PSMD7: variants seen among roughly 807,000 people sequenced by gnomAD.
The protein encoded by PSMD7 is proteasome 26S subunit, non-ATPase 7.
In PSMD7, 13 loss-of-function variants were observed where a neutral mutation model predicts 36.4. The ratio of observed to expected loss-of-function variants is 0.36; its 90% CI spans 0.23 to 0.57. The LOEUF is 0.57. Ranked by LOEUF, PSMD7 falls within the 20% of genes least tolerant of loss-of-function variation. The pLI is 0.83. For missense variants in PSMD7, 298 were observed against 393.6 expected, an observed-to-expected ratio of 0.76 and a Z score of 2.06; for synonymous variants, 186 against 151.0, an observed-to-expected ratio of 1.23 and a Z score of -1.70.
Position 74,305,077 on chromosome 16 carries a change from T to A in PSMD7, c.531-212T>A, listed in dbSNP as rs1464755587. The A allele has an allele frequency of 2.0e-5, 13 of 641,108 alleles. No homozygotes were observed. In the Admixed American group the frequency reaches 4.0e-4, roughly 20 times the overall value. 39.7% of individuals were successfully genotyped at this position (641,108 alleles called of 1,614,324 possible). The stretch of plus-strand genomic sequence containing the variant: ...TTTTATAATTGTTTTTTGAAAAATG[T>A]CCTGTGATGAGAAAGATAAAATGTG... On this transcript the variant is annotated intron_variant, in intron 6 of 6. Coordinates refer to ENST00000219313, the MANE Select transcript of PSMD7 (RefSeq NM_002811.5).
At chr16:74,297,066 C>G (rs1448789315) in intron 1 of PSMD7, 78 bp downstream of exon 1, 3 of 1,484,050 alleles carry the variant, frequency 2.0e-6, no homozygotes, top group Non-Finnish European at 2.8e-6. Context: ...GCGCGGCGGC[C>G]GCGGACGAGC....
At chr16:74,301,408 C>T (rs1259525344) in intron 3 of PSMD7, 147 bp from the exon 4 acceptor site, 7 of 644,562 alleles carry the variant, frequency 1.1e-5, no homozygotes, top group African/African-American at 9.1e-5. Flanking sequence ...GTCAGTCTTC[C>T]ATTAGAGTTT....
chr16:74,305,094 T>C (rs1203854299), intron 6 of PSMD7, 195 bp from the exon 7 acceptor site: 5 of 718,478 alleles, frequency 7.0e-6, no homozygotes, highest in African/African-American at 1.8e-5. Flanking sequence ...ATGAGAAAGA[T>C]AAAATGTGTT....
At chr16:74,300,480 TC>T in intron 2 of PSMD7, 1 of 453,652 alleles carries the variant, frequency 2.2e-6, no homozygotes, top group East Asian at 3.9e-5. Flanking sequence ...GTGGCAGTAT[TC>T]CAGCAAACCT....
chr16:74,300,275 C>T (rs899475436), intron 2 of PSMD7, 69 bp downstream of exon 2: 1 of 1,390,362 alleles, frequency 7.2e-7, no homozygotes, highest in African/African-American at 1.4e-5. Context: ...AAATATAAAC[C>T]TTTGTTACCG....
In PSMD7 at chr16:74,296,954, C is replaced by T. The variant is rs2034117846; in HGVS notation, c.40C>T (p.Leu14=). Residue 14 remains leucine (L), a synonymous_variant, in exon 1 of 7, where the codon CTG becomes TTG. Coordinates refer to ENST00000219313, the MANE Select transcript of PSMD7 (RefSeq NM_002811.5). Reference sequence around the variant, plus strand: ...AGTGCAGAAGGTGGTGGTCCACCCCCTGGTGCTGCTCAGTGTGGTGGATCA... The same window carrying T: ...AGTGCAGAAGGTGGTGGTCCACCCCTTGGTGCTGCTCAGTGTGGTGGATCA... ...LAVQKVVVHP[L]VLLSVVDHFN... is the part of the protein sequence containing the mutation. 3.7e-6 allele frequency: 6 copies of T among 1,613,376 alleles called. No homozygotes were observed. Among genetic ancestry groups the T allele is most frequent in the Non-Finnish European group, 5.1e-6 (6 of 1,179,838 alleles).
At chr16:74,302,893 T>C (rs937215816) in intron 5 of PSMD7, among the ~76,000 whole-genome samples, 1 of 152,254 alleles carries the variant, frequency 6.6e-6, no homozygotes, top group East Asian at 1.9e-4. Flanking sequence ...TCTGTGCAAA[T>C]GTTCCTTGCA....
Position 74,303,616 on chromosome 16 carries a change from G to T in PSMD7, c.439-687G>T, listed in dbSNP as rs532936410. Among the ~76,000 whole-genome samples, 16 of 152,292 alleles carry T rather than the reference G, an allele frequency of 1.1e-4. No individual in the cohort carries two copies. The East Asian group carries it at 2.3e-3, about 22-fold the overall frequency. On this transcript the variant is annotated intron_variant, in intron 5 of 6. Coordinates refer to ENST00000219313, the MANE Select transcript of PSMD7 (RefSeq NM_002811.5). ...TTCTGATTGCATTGGTTTGGGCACT[G>T]TGGAATCGTTTGATCCAAGAGACAA...
chr16:74,300,063 T>TA lies in PSMD7; in HGVS notation c.75-52_75-51insA. On this transcript the variant is annotated intron_variant, in intron 1 of 6. Coordinates refer to ENST00000219313, the MANE Select transcript of PSMD7 (RefSeq NM_002811.5). ...TCCCATTGAGTATCTTATTGTTGGG[T>TA]TCATGTTTCTGTGCGAGCCTATCCA... 4 of 1,470,728 alleles carry TA rather than the reference T, an allele frequency of 2.7e-6. No individual in the cohort carries two copies. In the South Asian group the frequency reaches 4.5e-5, roughly 17 times the overall value. 91.1% of individuals were successfully genotyped at this position (1,470,728 alleles called of 1,614,324 possible). A position where few individuals can be genotyped will look rare whatever the true frequency, so the allele number is the denominator to read the frequency against.
Position 74,301,536 on chromosome 16 carries a change from TA to T in PSMD7, c.260-17del. The T allele has an allele frequency of 6.4e-7, 1 of 1,561,644 alleles. No homozygotes were observed. Among genetic ancestry groups the T allele is most frequent in the Non-Finnish European group, 8.8e-7 (1 of 1,133,850 alleles). On this transcript the variant is annotated intron_variant, in intron 3 of 6. Coordinates refer to ENST00000219313, the MANE Select transcript of PSMD7 (RefSeq NM_002811.5). ...TCTTCATGAAATAGTTAAAGCCTGC[TA>T]ATTTTTTTCCTTCCTAGCCAGGGAA... is the stretch of plus-strand genomic sequence containing the variant.
chr16:74,297,344 A>C lies in PSMD7; in HGVS notation c.74+356A>C, dbSNP rs1597117207. ...TAGTTGGCCCTGACCCCCGCCCCCA[A>C]GCTCGTGTCTGTCACTTCGTTTTGA... On this transcript the variant is annotated intron_variant, in intron 1 of 6. Coordinates refer to ENST00000219313, the MANE Select transcript of PSMD7 (RefSeq NM_002811.5). Among the ~76,000 whole-genome samples, 6 of 147,382 alleles carry C rather than the reference A, an allele frequency of 4.1e-5. No individual in the cohort carries two copies. The Middle Eastern group carries it at 0.023, about 563-fold the overall frequency.
rs780066223 is a variant in PSMD7 at position 74,305,777 on chromosome 16, A to G, written c.*44A>G. ...TTTTTAATTTGTAAATTAAAATCTT[A>G]CAAACTAAATCAGTGTGCTGCTAGA... is the stretch of plus-strand genomic sequence containing the variant. On this transcript the variant is annotated 3_prime_UTR_variant, in exon 7 of 7. Transcript: ENST00000219313. The G allele has an allele frequency of 4.1e-5, 58 of 1,410,954 alleles. No individual in the cohort carries two copies. The highest frequency in any genetic ancestry group is 5.2e-5 in the Non-Finnish European group (56 of 1,084,728). The allele number at this position is 1,410,954 out of a possible 1,614,324, so 87.4% of individuals were successfully genotyped here.
rs754073708 is a variant in PSMD7 at position 74,301,100 on chromosome 16, A to G, written c.215A>G (p.His72Arg). 1 of 1,612,810 alleles carries G rather than the reference A, an allele frequency of 6.2e-7. No individual in the cohort carries two copies. Among genetic ancestry groups the G allele is most frequent in the South Asian group, 1.1e-5 (1 of 91,004 alleles). The change falls in exon 3 of 7, where the codon CAT (histidine) becomes CGT (arginine). Residue 72 changes from histidine to arginine, a missense_variant. His to Arg is a conservative substitution (Grantham distance 29). Transcript: ENST00000219313. ...DKDDSVWFLD[H>R]DYLENMYGMF... ...GACGATTCTGTATGGTTTTTAGACC[A>G]TGATTATTTGGAAAACATGTATGGA...
intron 4 of PSMD7, among the ~76,000 whole-genome samples, 165 bp from the exon 5 acceptor site, chr16:74,302,047 A>G (rs2034160008): frequency 6.6e-6 from 1 of 152,202 alleles, no homozygotes; most frequent in African/African-American, 2.4e-5. Context: ...GAAAAGCAGA[A>G]GAAATGATGA....
At position 74,305,520 on chromosome 16, in the gene PSMD7, T is replaced by C. The variant is rs1301520082; in HGVS notation, c.762T>C (p.Asn254=). ...EFVKAFYLKT[N]DQMVVVYLAS... ...TCAAGGCCTTTTACCTGAAGACCAA[T>C]GACCAGATGGTGGTAGTGTACTTGG... Residue 254 remains asparagine, a synonymous_variant, in exon 7 of 7, where the codon AAT becomes AAC. Transcript: ENST00000219313. 2 of 1,614,150 alleles carry C rather than the reference T, an allele frequency of 1.2e-6. No homozygotes were observed. The highest frequency in any genetic ancestry group is 1.7e-6 in the Non-Finnish European group (2 of 1,180,038).
rs756054390 is a variant in PSMD7, at chr16:74,296,973, T to C, written c.59T>C (p.Val20Ala). The C allele has an allele frequency of 6.2e-7, 1 of 1,612,712 alleles. No individual in the cohort carries two copies. Among genetic ancestry groups the C allele is most frequent in the Non-Finnish European group, 8.5e-7 (1 of 1,179,680 alleles). ...CACCCCCTGGTGCTGCTCAGTGTGG[T>C]GGATCATTTCAACCGGTGAGCGAGC... ...VVHPLVLLSV[V>A]DHFNRIGKVG... The change falls in exon 1 of 7, where the codon GTG becomes GCG. Residue 20 changes from valine to alanine, a missense_variant. Coordinates refer to ENST00000219313, the MANE Select transcript of PSMD7 (RefSeq NM_002811.5).
Position 74,305,886 on chromosome 16 carries a change from C to T in PSMD7, c.*153C>T, listed in dbSNP as rs534194805. 77 of 833,042 alleles carry T rather than the reference C, an allele frequency of 9.2e-5. No homozygotes were observed. The African/African-American group carries it at 1.2e-3, about 13-fold the overall frequency. 51.6% of individuals were successfully genotyped at this position (833,042 alleles called of 1,614,324 possible). A position where few individuals can be genotyped will look rare whatever the true frequency, so the allele number is the denominator to read the frequency against. ...TCCGGTCACTCTTGCTGTGGTGCTA[C>T]GTGGAAGTGAATGGAGACTGATCTC... On this transcript the variant is annotated 3_prime_UTR_variant, in exon 7 of 7. Coordinates refer to ENST00000219313, the MANE Select transcript of PSMD7 (RefSeq NM_002811.5).
chr16:74,301,686 AT>A (rs749922941), intron 4 of PSMD7, 34 bp downstream of exon 4: 67 of 1,561,082 alleles, frequency 4.3e-5, no homozygotes, highest in Middle Eastern at 1.7e-4. Context: ...CTCTTGAATG[AT>A]TTTTTTTGCC....
At chr16:74,304,984 G>A in intron 6 of PSMD7, 3 of 271,924 alleles carry the variant, frequency 1.1e-5, no homozygotes, top group Non-Finnish European at 2.1e-5. Context: ...AAAGTTATTG[G>A]TAGATCTGAA....
Sources: allele counts gnomAD v4.1 joint callset (sites outside exome capture counted in the v4.1 genomes callset), GRCh38; gene constraint gnomAD v4.1.1; transcripts MANE v1.5; gene names NCBI Gene and HGNC (gene_info 2026-07-23, HGNC 2026-07-21).